Variants in TRHDE observed in about 807,000 individuals in gnomAD.
The protein encoded by TRHDE is thyrotropin releasing hormone degrading enzyme, also known as thyrotropin-releasing hormone-degrading ectoenzyme.
In TRHDE, 72 loss-of-function variants were observed where a neutral mutation model predicts 125.7. The observed-to-expected ratio is 0.57, with a 90% CI of 0.47 to 0.70. The LOEUF (loss-of-function observed/expected upper bound fraction) is 0.70. TRHDE is among the 30% of genes least tolerant of loss of function. The probability of loss-of-function intolerance (pLI) is 0.00; values close to 1 mark genes in which losing one functional copy is unlikely to be tolerated. For missense variants in TRHDE, 1,110 were observed against 1,327.1 expected, an observed-to-expected ratio of 0.84 and a Z score of 2.54; for synonymous variants, 509 against 509.1, an observed-to-expected ratio of 1.00 and a Z score of 0.00.
At chr12:72,265,908 C>T (rs1592505948) in intron 2 of TRHDE, among the ~76,000 whole-genome samples, 1 of 151,752 alleles carries the variant, frequency 6.6e-6, no homozygotes, top group African/African-American at 2.4e-5. Flanking sequence ...GCGATATGAC[C>T]TCAATACTAG....
At chr12:72,641,813 C>G (rs1404307473) in intron 15 of TRHDE, among the ~76,000 whole-genome samples, 4 of 152,146 alleles carry the variant, frequency 2.6e-5, no homozygotes, top group African/African-American at 9.7e-5. Context: ...TTTCATTCCA[C>G]TGTTTTTATG....
At chr12:72,288,076 T>A (rs1320101427) in intron 2 of TRHDE, among the ~76,000 whole-genome samples, 1 of 152,144 alleles carries the variant, frequency 6.6e-6, no homozygotes, top group East Asian at 1.9e-4. Flanking sequence ...ATCCTAAATT[T>A]TGGGCTTTTC....
At chr12:72,294,887 C>T (rs1354601663) in intron 2 of TRHDE, among the ~76,000 whole-genome samples, 1 of 151,970 alleles carries the variant, frequency 6.6e-6, no homozygotes, top group Non-Finnish European at 1.5e-5. Context: ...AGTGTCAACA[C>T]TGCCCTGAGC....
At chr12:72,144,394 A>G (rs1042862510) in intron 2 of TRHDE, among the ~76,000 whole-genome samples, 1 of 152,236 alleles carries the variant, frequency 6.6e-6, no homozygotes, top group African/African-American at 2.4e-5. Flanking sequence ...GTTTTTGACA[A>G]TGTCCTAGGG....
intron 2 of TRHDE, among the ~76,000 whole-genome samples, chr12:72,356,794 A>G (rs1870844560): frequency 6.6e-6 from 1 of 151,518 alleles, no homozygotes; most frequent in South Asian, 2.1e-4. Context: ...CCTGAGCAGG[A>G]TAAGTAAAAC....
At chr12:72,349,313 T>G (rs1250844802) in intron 2 of TRHDE, among the ~76,000 whole-genome samples, 1 of 152,074 alleles carries the variant, frequency 6.6e-6, no homozygotes, top group East Asian at 1.9e-4. Flanking sequence ...TTTTATTGCC[T>G]TTATTAGACA....
At chr12:72,530,416 C>CT (rs71438816) in intron 6 of TRHDE, among the ~76,000 whole-genome samples, 13,586 of 68,218 alleles carry the variant, frequency 0.2, 1,489 homozygotes, top group Non-Finnish European at 0.24. Context: ...TTCCTAGAAG[C>CT]TTTTTTTTTT....
chr12:72,398,403 C>T (rs568629343), intron 3 of TRHDE, among the ~76,000 whole-genome samples: 65 of 152,184 alleles, frequency 4.3e-4, no homozygotes, highest in African/African-American at 9.2e-4. Flanking sequence ...CCTGAGGAAT[C>T]GCCACTTTTT....
intron 18 of TRHDE, 101 bp from the exon 19 acceptor site, chr12:72,662,951 T>C: frequency 6.4e-6 from 8 of 1,256,950 alleles, no homozygotes; most frequent in Non-Finnish European, 8.8e-6. Flanking sequence ...GTTTCAAATA[T>C]ATTGTTTTTT....
At chr12:72,343,561 A>T (rs954671182) in intron 2 of TRHDE, among the ~76,000 whole-genome samples, 1 of 152,108 alleles carries the variant, frequency 6.6e-6, no homozygotes, top group Non-Finnish European at 1.5e-5. Context: ...GTAAATGTCA[A>T]CCTATTAAGT....
chr12:72,537,757 A>T (rs1369243794), intron 6 of TRHDE, among the ~76,000 whole-genome samples: 1 of 151,998 alleles, frequency 6.6e-6, no homozygotes, highest in Non-Finnish European at 1.5e-5. Context: ...TTGGAAAGTG[A>T]TGGTCCATCA....
Position 72,663,877 on chromosome 12 carries a change from T to C in TRHDE, c.*682T>C, listed in dbSNP as rs748808592. 1 of 152,132 alleles carries C rather than the reference T, an allele frequency of 6.6e-6. No individual in the cohort carries two copies. Among genetic ancestry groups the C allele is most frequent in the Non-Finnish European group, 1.5e-5 (1 of 68,000 alleles). 9.4% of individuals were successfully genotyped at this position (152,132 alleles called of 1,614,324 possible). On this transcript the variant is annotated 3_prime_UTR_variant, in exon 19 of 19. Transcript: ENST00000261180. ...TATAGATAGTGTATGCATATGTATA[T>C]GTACATAGGGAAGCCCCATATGTAT...
rs766892662 is a variant in TRHDE at position 72,473,112 on chromosome 12, C to T, written c.1516C>T (p.Leu506=). 1.2e-6 allele frequency: 2 copies of T among 1,613,984 alleles called. No individual in the cohort carries two copies. The highest frequency in any genetic ancestry group is 2.2e-5 in the South Asian group (2 of 91,078). ...GCCTGTGTGGTGGGAAGACGTGTGG[C>T]TGAAGGAAGGGTTTGCTCACTACTT... ...VTPVWWEDVW[L]KEGFAHYFEF... is the part of the protein sequence containing the mutation. Residue 506 remains leucine (L), a synonymous_variant, in exon 5 of 19, where the codon CTG becomes TTG. Coordinates refer to ENST00000261180, the MANE Select transcript of TRHDE (RefSeq NM_013381.3).
At chr12:72,192,598 T>C (rs1358073421) in intron 2 of TRHDE, among the ~76,000 whole-genome samples, 1 of 152,118 alleles carries the variant, frequency 6.6e-6, no homozygotes, top group Non-Finnish European at 1.5e-5. Context: ...ATCTGCTTTA[T>C]AGTGTGAACT....
intron 3 of TRHDE, among the ~76,000 whole-genome samples, chr12:72,380,766 G>GCTTGCTTCCTTCCTTCCTTC (rs1872124141): frequency 1.4e-5 from 1 of 71,012 alleles, no homozygotes; most frequent in Non-Finnish European, 2.5e-5. Flanking sequence ...TTCCTTCCTT[G>GCTTGCTTCCTTCCTTCCTTC]CTTCCTTCCT....
chr12:72,279,581 C>T (rs185851006), intron 1 of TRHDE, among the ~76,000 whole-genome samples: 273 of 152,320 alleles, frequency 1.8e-3, no homozygotes, highest in African/African-American at 5.8e-3. Context: ...AAAATTCAAA[C>T]GTGAAAAATA....
chr12:72,170,727 GAAT>G (rs1332346292), intron 2 of TRHDE, among the ~76,000 whole-genome samples: 1 of 152,152 alleles, frequency 6.6e-6, no homozygotes, highest in African/African-American at 2.4e-5. Flanking sequence ...ACCACTTTAA[GAAT>G]AACTAATCTT....
chr12:72,238,281 TATATATATATATATA>T (rs1565669805), intron 2 of TRHDE, among the ~76,000 whole-genome samples: 13 of 14,796 alleles, frequency 8.8e-4, no homozygotes, highest in Middle Eastern at 0.024. Context: ...CCTTAATATA[TATATATATATATATA>T]TATATATATA....
intron 2 of TRHDE, among the ~76,000 whole-genome samples, chr12:72,122,956 A>ACAAAC (rs1236491886): frequency 2.6e-5 from 4 of 152,156 alleles, no homozygotes; most frequent in African/African-American, 9.6e-5. Context: ...AACAACAACA[A>ACAAAC]CAAACCACAC....
Sources: allele counts gnomAD v4.1 joint callset (sites outside exome capture counted in the v4.1 genomes callset), GRCh38; gene constraint gnomAD v4.1.1; transcripts MANE v1.5; gene names NCBI Gene and HGNC (gene_info 2026-07-23, HGNC 2026-07-21).